The following ANXA13 variants were observed in gnomAD, a reference collection of about 807,000 sequenced individuals.
ANXA13 encodes the protein annexin A13.
Under a neutral mutation model 46.6 loss-of-function variants are expected in ANXA13, and 36 were observed. The observed-to-expected ratio is 0.77, with a 90% CI of 0.59 to 1.02. The LOEUF is 1.02. ANXA13 is among the 50% of genes least tolerant of loss of function. ANXA13 has a pLI of 0.00. For missense variants in ANXA13, 417 were observed against 396.5 expected, an observed-to-expected ratio of 1.05 and a Z score of -0.44; for synonymous variants, 163 against 152.9, an observed-to-expected ratio of 1.07 and a Z score of -0.49.
At chr8:123,691,584 CTATTATCCCTATTT>C (rs1813243930) in intron 8 of ANXA13, among the ~76,000 whole-genome samples, 1 of 152,148 alleles carries the variant, frequency 6.6e-6, no homozygotes, top group Admixed American at 6.5e-5. Context: ...GAAGTAGGTA[CTATTATCCCTATTT>C]TACGTTTGGG....
chr8:123,713,271 C>T (rs976574679), intron 1 of ANXA13, among the ~76,000 whole-genome samples: 1 of 152,148 alleles, frequency 6.6e-6, no homozygotes, highest in Non-Finnish European at 1.5e-5. Context: ...AGTAAAAGCA[C>T]AGTTTTGGTT....
At chr8:123,726,717 G>GA (rs1814002846) in intron 1 of ANXA13, among the ~76,000 whole-genome samples, 1 of 152,164 alleles carries the variant, frequency 6.6e-6, no homozygotes, top group South Asian at 2.1e-4. Flanking sequence ...CTACCTAGAG[G>GA]AAAAGGAGTC....
chr8:123,691,306 A>C (rs1475984703), intron 8 of ANXA13, among the ~76,000 whole-genome samples: 6 of 152,194 alleles, frequency 3.9e-5, no homozygotes, highest in Non-Finnish European at 7.4e-5. Flanking sequence ...GCTGAACTCT[A>C]AAAACATCAG....
chr8:123,719,960 C>T lies in ANXA13; in HGVS notation c.16-7207G>A, dbSNP rs967080323. ...GATGTAGTAGCACGGTGCTGGATTACGGTAAGCACTCAGGTGGTGGCACGT... is the reference window on the plus strand; with the variant it reads ...GATGTAGTAGCACGGTGCTGGATTATGGTAAGCACTCAGGTGGTGGCACGT... On this transcript the variant is annotated intron_variant, in intron 1 of 10. Coordinates refer to ENST00000419625, the MANE Select transcript of ANXA13 (RefSeq NM_004306.4). Among the ~76,000 whole-genome samples the T allele has an allele frequency of 2.5e-4, 38 of 152,238 alleles. 1 individual carries two copies. The highest frequency in any genetic ancestry group is 9.2e-4 in the African/African-American group (38 of 41,530).
intron 3 of ANXA13, 73 bp downstream of exon 3, chr8:123,702,569 C>A (rs913715263): frequency 8.3e-7 from 1 of 1,201,258 alleles, no homozygotes; most frequent in African/African-American, 1.5e-5. Flanking sequence ...TCTGCGTGGC[C>A]TGGGGACATG....
intron 2 of ANXA13, among the ~76,000 whole-genome samples, chr8:123,707,644 A>G (rs1384848988): frequency 6.6e-6 from 1 of 152,162 alleles, no homozygotes; most frequent in Non-Finnish European, 1.5e-5. Context: ...GAGTTGAACA[A>G]TGAGAACACA....
At chr8:123,699,781 A>G (rs1405843699) in intron 3 of ANXA13, among the ~76,000 whole-genome samples, 1 of 152,236 alleles carries the variant, frequency 6.6e-6, no homozygotes, top group Non-Finnish European at 1.5e-5. Flanking sequence ...ATGGTGGCAA[A>G]GAACACAGCC....
chr8:123,700,958 G>T (rs988967767), intron 3 of ANXA13, among the ~76,000 whole-genome samples: 4 of 152,062 alleles, frequency 2.6e-5, no homozygotes, highest in Admixed American at 2.0e-4. Context: ...GAGTAGCAGG[G>T]ACTACAGGCA....
intron 1 of ANXA13, 123 bp downstream of exon 1, chr8:123,737,197 A>C: frequency 9.9e-7 from 1 of 1,010,996 alleles, no homozygotes; most frequent in South Asian, 1.6e-5. Context: ...CTGTTGCTAA[A>C]ACCAATATTA....
Position 123,702,683 on chromosome 8 carries a change from T to C in ANXA13, c.145A>G (p.Arg49Gly). ...EILSGRTSDE[R>G]QQIKQKYKAT... ...TTGTACTTTTGCTTGATTTGTTGCC[T>C]CTCATCTGATGTCCTGCCCGATAAG... Residue 49 changes from arginine (R) to glycine (G), a missense_variant, in exon 3 of 11, where the codon AGG (arginine) becomes GGG (glycine). By Grantham distance (125) the Arg-to-Gly change is moderately radical (BLOSUM62 -2). Transcript: ENST00000419625. The C allele has an allele frequency of 6.2e-7, 1 of 1,614,098 alleles. No individual in the cohort carries two copies. Among genetic ancestry groups the C allele is most frequent in the East Asian group, 2.2e-5 (1 of 44,868 alleles).
At chr8:123,705,453 C>A (rs1274526679) in intron 2 of ANXA13, among the ~76,000 whole-genome samples, 1 of 152,216 alleles carries the variant, frequency 6.6e-6, no homozygotes, top group African/African-American at 2.4e-5. Flanking sequence ...CAGAGCAGCC[C>A]AAGGCTTACT....
At chr8:123,692,237 G>T (rs1321757632) in intron 8 of ANXA13, among the ~76,000 whole-genome samples, 1 of 152,200 alleles carries the variant, frequency 6.6e-6, no homozygotes, top group African/African-American at 2.4e-5. Context: ...AACTTGCTGT[G>T]TGGTCCTGAT....
At chr8:123,696,163 C>T (rs1387513341) in intron 4 of ANXA13, among the ~76,000 whole-genome samples, 1 of 151,876 alleles carries the variant, frequency 6.6e-6, no homozygotes, top group Non-Finnish European at 1.5e-5. Flanking sequence ...GTATAGGTGT[C>T]ATGTGTTTAG....
chr8:123,698,369 C>A lies in ANXA13; in HGVS notation c.357+20G>T. On this transcript the variant is annotated intron_variant, in intron 4 of 10. Coordinates refer to ENST00000419625, the MANE Select transcript of ANXA13 (RefSeq NM_004306.4). Reference sequence around the variant, plus strand: ...CTATTGGGTGTGTGATGCTCCCTTGCGGGCTCAGCTGGGACTGACCTTATT... The same window carrying A: ...CTATTGGGTGTGTGATGCTCCCTTGAGGGCTCAGCTGGGACTGACCTTATT... The A allele has an allele frequency of 6.2e-7, 1 of 1,611,604 alleles. No homozygotes were observed. Among genetic ancestry groups the A allele is most frequent in the Admixed American group, 1.7e-5 (1 of 59,928 alleles).
intron 4 of ANXA13, among the ~76,000 whole-genome samples, chr8:123,697,089 T>C (rs1326142586): frequency 6.6e-6 from 1 of 152,182 alleles, no homozygotes; most frequent in East Asian, 1.9e-4. Context: ...TTTGTATTTT[T>C]AGTAGAGACG....
At chr8:123,705,389 A>G (rs946961390) in intron 2 of ANXA13, among the ~76,000 whole-genome samples, 4 of 152,236 alleles carry the variant, frequency 2.6e-5, no homozygotes, top group Non-Finnish European at 5.9e-5. Flanking sequence ...TTATGGTGGC[A>G]TCGAGACTTC....
At chr8:123,736,891 C>T (rs1814279638) in intron 1 of ANXA13, among the ~76,000 whole-genome samples, 2 of 133,916 alleles carry the variant, frequency 1.5e-5, no homozygotes, top group South Asian at 4.7e-4. Flanking sequence ...TCTTGTAGTC[C>T]AGGCTGGAGT....
chr8:123,683,323 T>C (rs1813073281), intron 10 of ANXA13, among the ~76,000 whole-genome samples: 1 of 152,084 alleles, frequency 6.6e-6, no homozygotes, highest in South Asian at 2.1e-4. Context: ...CAAAGTTATA[T>C]TTAAAAACAG....
chr8:123,732,075 T>C (rs965672842), intron 1 of ANXA13, among the ~76,000 whole-genome samples: 31 of 152,258 alleles, frequency 2.0e-4, no homozygotes, highest in African/African-American at 7.5e-4. Context: ...GAAATCCCAA[T>C]AGGTTAATCT....
Sources: gnomAD v4.1 joint callset for allele counts (sites outside exome capture counted in the v4.1 genomes callset) on GRCh38, gnomAD v4.1.1 for gene constraint, MANE v1.5 for transcripts, NCBI Gene and HGNC (gene_info 2026-07-23, HGNC 2026-07-21) for gene names.